The following EDIL3 variants were observed in gnomAD, a reference collection of about 807,000 sequenced individuals.
The protein encoded by EDIL3 is EGF like and discoidin domains 3.
Under a neutral mutation model 67.4 loss-of-function variants are expected in EDIL3, and 37 were observed. The observed-to-expected ratio is 0.55, with a 90% confidence interval of 0.42 to 0.72. The LOEUF (loss-of-function observed/expected upper bound fraction) is 0.72. Ranked by LOEUF, EDIL3 falls within the 30% of genes least tolerant of loss-of-function variation. The pLI, the probability that EDIL3 is intolerant of heterozygous loss-of-function variation, is 0.00. For missense variants in EDIL3, 527 were observed against 586.3 expected (o/e 0.90, Z 1.04); for synonymous variants, 195 against 196.3 (o/e 0.99, Z 0.05).
chr5:84,134,339 A>G (rs1050473627), intron 5 of EDIL3, among the ~76,000 whole-genome samples: 5 of 152,168 alleles, frequency 3.3e-5, no homozygotes, highest in African/African-American at 1.2e-4. Flanking sequence ...GCCTTAATAT[A>G]CAGTTTAAAA....
chr5:84,077,084 ACT>A (rs1746875767), intron 6 of EDIL3, among the ~76,000 whole-genome samples: 1 of 152,162 alleles, frequency 6.6e-6, no homozygotes, highest in Admixed American at 6.5e-5. Context: ...TGAATTGGAT[ACT>A]CTCTTTTTTT....
intron 1 of EDIL3, among the ~76,000 whole-genome samples, chr5:84,312,218 C>T (rs370818502): frequency 0.079 from 10,755 of 135,882 alleles, 581 homozygotes; most frequent in South Asian, 0.18. Flanking sequence ...CCCGACGGGG[C>T]GGCTGGCCGG....
intron 1 of EDIL3, among the ~76,000 whole-genome samples, chr5:84,381,618 C>A (rs1179765168): frequency 6.6e-6 from 1 of 151,982 alleles, no homozygotes; most frequent in Non-Finnish European, 1.5e-5. Context: ...AAAGAAAATG[C>A]AAATGCCAAT....
intron 9 of EDIL3, among the ~76,000 whole-genome samples, chr5:83,994,588 T>TGTATA (rs1460246932): frequency 5.3e-5 from 8 of 152,198 alleles, no homozygotes; most frequent in African/African-American, 1.7e-4. Flanking sequence ...AGATGTAAGA[T>TGTATA]GTATAGTTTG....
chr5:84,115,589 CACAGTAA>C (rs954239679), intron 5 of EDIL3, among the ~76,000 whole-genome samples: 3 of 152,130 alleles, frequency 2.0e-5, no homozygotes, highest in African/African-American at 7.2e-5. Flanking sequence ...ATCCTCTTAT[CACAGTAA>C]ACAGTTCTGC....
intron 1 of EDIL3, among the ~76,000 whole-genome samples, chr5:84,368,138 T>C (rs1220370545): frequency 6.6e-6 from 1 of 151,982 alleles, no homozygotes; most frequent in Non-Finnish European, 1.5e-5. Context: ...CAAAAAAATT[T>C]TAAAGACCAT....
chr5:83,967,343 C>A (rs1332417712), intron 9 of EDIL3, among the ~76,000 whole-genome samples: 1 of 151,946 alleles, frequency 6.6e-6, no homozygotes, highest in East Asian at 1.9e-4. Context: ...ATAAATAAAA[C>A]AACAAATTTT....
intron 9 of EDIL3, among the ~76,000 whole-genome samples, chr5:84,014,783 A>C (rs1267544889): frequency 1.3e-5 from 2 of 152,232 alleles, no homozygotes; most frequent in African/African-American, 4.8e-5. Flanking sequence ...AGAAAATAAA[A>C]GAAAAACTAG....
intron 1 of EDIL3, among the ~76,000 whole-genome samples, chr5:84,358,924 A>G (rs1747543048): frequency 6.6e-6 from 1 of 152,128 alleles, no homozygotes; most frequent in Admixed American, 6.5e-5. Flanking sequence ...TATGGTTTTA[A>G]AAGCAGTTCC....
intron 3 of EDIL3, among the ~76,000 whole-genome samples, chr5:84,190,549 A>ATGTGTGTGTGTGTGTGTGTG (rs1220169426): frequency 8.2e-5 from 11 of 134,942 alleles, no homozygotes; most frequent in African/African-American, 3.1e-4. Context: ...ATATATATAT[A>ATGTGTGTGTGTGTGTGTGTG]TATGTGTGTG....
At chr5:84,132,537 T>TAA in intron 5 of EDIL3, among the ~76,000 whole-genome samples, 1 of 118,038 alleles carries the variant, frequency 8.5e-6, no homozygotes, top group African/African-American at 3.4e-5. Flanking sequence ...ATTATATATT[T>TAA]TATATATAAT....
intron 6 of EDIL3, among the ~76,000 whole-genome samples, chr5:84,068,925 T>C (rs1321396947): frequency 1.3e-5 from 2 of 152,180 alleles, no homozygotes; most frequent in Non-Finnish European, 2.9e-5. Flanking sequence ...TAGTATGATT[T>C]TGGAAACACC....
Position 84,066,611 on chromosome 5 carries a change from A to G in EDIL3, c.652-5T>C, listed in dbSNP as rs1445677677. 6.2e-7 allele frequency: 1 copy of G among 1,611,590 alleles called. No homozygotes were observed. Among genetic ancestry groups the G allele is most frequent in the African/African-American group, 1.3e-5 (1 of 74,928 alleles). On this transcript the variant is annotated splice_region_variant and splice_polypyrimidine_tract_variant and intron_variant, in intron 6 of 10. Transcript: ENST00000296591. ...CATTTTCCTTTGCAAATTTATCTGAAAAGACGAGCACAACCAACAATAATC... is the reference window on the plus strand; with the variant it reads ...CATTTTCCTTTGCAAATTTATCTGAGAAGACGAGCACAACCAACAATAATC...
At chr5:83,962,499 T>C (rs957832030) in intron 10 of EDIL3, among the ~76,000 whole-genome samples, 1 of 151,470 alleles carries the variant, frequency 6.6e-6, no homozygotes, top group Non-Finnish European at 1.5e-5. Context: ...ATAGATACTA[T>C]GAAAAGATGC....
intron 6 of EDIL3, among the ~76,000 whole-genome samples, chr5:84,090,262 T>G (rs1486715245): frequency 6.6e-6 from 1 of 152,194 alleles, no homozygotes; most frequent in Non-Finnish European, 1.5e-5. Flanking sequence ...GTTTTGGATT[T>G]GTAATGTCTT....
chr5:84,327,609 G>T (rs1447599590), intron 1 of EDIL3, among the ~76,000 whole-genome samples: 1 of 151,870 alleles, frequency 6.6e-6, no homozygotes, highest in Non-Finnish European at 1.5e-5. Flanking sequence ...TTTGGAGTTT[G>T]TTTTTTCTGT....
rs1310274382 is a variant in EDIL3, at chr5:84,340,552, A to C, written c.67+43756T>G. Among the ~76,000 whole-genome samples the C allele has an allele frequency of 4.3e-3, 557 of 130,352 alleles. 2 individuals carry two copies. Among genetic ancestry groups the C allele is most frequent in the Middle Eastern group, 7.4e-3 (2 of 270 alleles). 85.5% of individuals were successfully genotyped at this position (130,352 alleles called of 152,430 possible). On this transcript the variant is annotated intron_variant, in intron 1 of 10. Coordinates refer to ENST00000296591, the MANE Select transcript of EDIL3 (RefSeq NM_005711.5). Reference sequence around the variant, plus strand: ...TCTCTCTCTATATATATATATATATATATATATATATATATATATGTTAGT... The same window carrying C: ...TCTCTCTCTATATATATATATATATCTATATATATATATATATATGTTAGT...
chr5:84,344,455 A>G (rs1747196300), intron 1 of EDIL3, among the ~76,000 whole-genome samples: 2 of 151,996 alleles, frequency 1.3e-5, no homozygotes, highest in South Asian at 4.1e-4. Context: ...TATAAATATA[A>G]TAATTTAGCT....
At chr5:84,257,440 C>G (rs1464672633) in intron 1 of EDIL3, among the ~76,000 whole-genome samples, 1 of 152,110 alleles carries the variant, frequency 6.6e-6, no homozygotes, top group Admixed American at 6.5e-5. Flanking sequence ...TCGAAATTTT[C>G]ATCTTATTTC....
Sources: allele counts gnomAD v4.1 joint callset (sites outside exome capture counted in the v4.1 genomes callset), GRCh38; gene constraint gnomAD v4.1.1; transcripts MANE v1.5; gene names NCBI Gene and HGNC (gene_info 2026-07-23, HGNC 2026-07-21).